Variants in POLQ observed in about 807,000 individuals in gnomAD.
POLQ encodes the protein DNA polymerase theta.
In POLQ, 233 loss-of-function variants were observed where a neutral mutation model predicts 259.2. That is an observed-to-expected ratio of 0.90 (90% CI 0.81 to 1.00). POLQ has a LOEUF of 1.00. Ranked by LOEUF, POLQ falls within the 50% of genes least tolerant of loss-of-function variation. The pLI is 0.00. For synonymous variants in POLQ, 1,025 were observed against 1,048.8 expected, an observed-to-expected ratio of 0.98 and a Z score of 0.44; for missense variants, 2,871 against 3,051.6, an observed-to-expected ratio of 0.94 and a Z score of 1.39.
intron 6 of POLQ, among the ~76,000 whole-genome samples, chr3:121,531,820 G>A (rs2048413514): frequency 6.6e-6 from 1 of 152,204 alleles, no homozygotes; most frequent in Admixed American, 6.5e-5. Flanking sequence ...CCAAGGCATA[G>A]CCAGGCGAAA....
chr3:121,475,004 AT>A (rs972534326), intron 20 of POLQ, among the ~76,000 whole-genome samples: 7 of 152,278 alleles, frequency 4.6e-5, no homozygotes, highest in African/African-American at 1.7e-4. Flanking sequence ...TAGACTTATC[AT>A]TTTTTATGGT....
intron 7 of POLQ, among the ~76,000 whole-genome samples, chr3:121,522,472 C>G (rs1051130468): frequency 6.7e-6 from 1 of 149,690 alleles, no homozygotes; most frequent in African/African-American, 2.5e-5. Context: ...CCACCGCGCC[C>G]GGCTAATTTT....
intron 26 of POLQ, among the ~76,000 whole-genome samples, chr3:121,442,587 T>A (rs944312824): frequency 2.2e-4 from 33 of 152,190 alleles, no homozygotes; most frequent in African/African-American, 8.0e-4. Flanking sequence ...CATAATGACC[T>A]CCAGTTCCAT....
chr3:121,471,173 T>C (rs2047880959), intron 22 of POLQ, among the ~76,000 whole-genome samples: 1 of 152,144 alleles, frequency 6.6e-6, no homozygotes, highest in Admixed American at 6.5e-5. Context: ...GAATACATTT[T>C]TCTTCATAAG....
chr3:121,452,548 T>C (rs1296890449), intron 25 of POLQ, among the ~76,000 whole-genome samples: 5 of 150,962 alleles, frequency 3.3e-5, no homozygotes, highest in Non-Finnish European at 5.9e-5. Context: ...TCAGCAAGGC[T>C]CAGGGATTAG....
chr3:121,455,524 G>C (rs1264174800), intron 25 of POLQ, among the ~76,000 whole-genome samples: 1 of 87,208 alleles, frequency 1.1e-5, no homozygotes, highest in African/African-American at 4.1e-5. Context: ...GAATCAAATA[G>C]ACACAAAAAA....
Position 121,541,276 on chromosome 3 carries a change from T to C in POLQ, c.474+73A>G, listed in dbSNP as rs548567749. 183 of 1,288,016 alleles carry C rather than the reference T, an allele frequency of 1.4e-4. No individual in the cohort carries two copies. In the African/African-American group the frequency reaches 2.4e-3, roughly 17 times the overall value. 79.8% of individuals were successfully genotyped at this position (1,288,016 alleles called of 1,614,324 possible). On this transcript the variant is annotated intron_variant, in intron 3 of 29. Transcript: ENST00000264233. ...TGTTTTCCACTTGCTTTTATAATTC[T>C]ATTTCAAATGAATGAAACCAAGACT...
chr3:121,458,112 A>G (rs1411906318), intron 25 of POLQ, among the ~76,000 whole-genome samples: 1 of 152,116 alleles, frequency 6.6e-6, no homozygotes, highest in Non-Finnish European at 1.5e-5. Context: ...GGAAATCATC[A>G]TTCTCAGTAA....
intron 9 of POLQ, among the ~76,000 whole-genome samples, chr3:121,517,858 A>G (rs2048309161): frequency 6.6e-6 from 1 of 152,246 alleles, no homozygotes; most frequent in Non-Finnish European, 1.5e-5. Context: ...AAGGCCTAGA[A>G]TAGAATTTTA....
At chr3:121,526,195 T>C (rs949456661) in intron 7 of POLQ, among the ~76,000 whole-genome samples, 9 of 152,158 alleles carry the variant, frequency 5.9e-5, no homozygotes, top group Admixed American at 6.5e-5. Flanking sequence ...CATTGTTCAG[T>C]ATCAAAAGAA....
chr3:121,515,431 T>C (rs767754300), intron 9 of POLQ, among the ~76,000 whole-genome samples: 2 of 152,126 alleles, frequency 1.3e-5, no homozygotes, highest in Non-Finnish European at 1.5e-5. Flanking sequence ...AGATCTCAAA[T>C]AGGGGTACCA....
chr3:121,520,994 G>A (rs2048332311), intron 8 of POLQ, among the ~76,000 whole-genome samples: 1 of 152,174 alleles, frequency 6.6e-6, no homozygotes, highest in African/African-American at 2.4e-5. Flanking sequence ...TGGGGTTCTA[G>A]TTTTAAAATT....
Position 121,460,162 on chromosome 3 carries a change from C to T in POLQ, c.7040G>A (p.Arg2347His), listed in dbSNP as rs143352658. The T allele has an allele frequency of 3.9e-5, 63 of 1,613,054 alleles. No individual in the cohort carries two copies. Among genetic ancestry groups the T allele is most frequent in the African/African-American group, 3.1e-4 (23 of 74,984 alleles). ...RILAHLSHDR[R>H]LIQVLNTGAD... ...TCCAGTGTTTAACACTTGAATGAGA[C>T]GACGATCATGGGATAAATGAGCCAA... The change falls in exon 25 of 30, where the codon CGT becomes CAT. Residue 2347 changes from arginine to histidine, a missense_variant. Coordinates refer to ENST00000264233, the MANE Select transcript of POLQ (RefSeq NM_199420.4).
chr3:121,482,357 A>G (rs1329878956), intron 18 of POLQ, among the ~76,000 whole-genome samples: 1 of 152,034 alleles, frequency 6.6e-6, no homozygotes, highest in African/African-American at 2.4e-5. Flanking sequence ...TGTCTCTACT[A>G]AATATACAAA....
At chr3:121,464,350 T>C (rs541235889) in intron 24 of POLQ, among the ~76,000 whole-genome samples, 1 of 152,158 alleles carries the variant, frequency 6.6e-6, no homozygotes, top group African/African-American at 2.4e-5. Flanking sequence ...CTGGGTAACA[T>C]AGTGGGACCC....
intron 13 of POLQ, among the ~76,000 whole-genome samples, chr3:121,497,405 TAG>T (rs2048133774): frequency 6.6e-6 from 1 of 152,182 alleles, no homozygotes; most frequent in African/African-American, 2.4e-5. Flanking sequence ...AATAATATAT[TAG>T]AGACTGTTTT....
At chr3:121,463,108 T>C (rs2047806173) in intron 24 of POLQ, among the ~76,000 whole-genome samples, 1 of 152,238 alleles carries the variant, frequency 6.6e-6, no homozygotes, top group Non-Finnish European at 1.5e-5. Context: ...AAGGTTTGGC[T>C]ATGTCTCCAT....
In POLQ at chr3:121,485,099, T is replaced by C. The variant is rs756037608; in HGVS notation, c.5715A>G (p.Val1905=). Residue 1905 remains valine, a synonymous_variant, in exon 17 of 30, where the codon GTA becomes GTG. Coordinates refer to ENST00000264233, the MANE Select transcript of POLQ (RefSeq NM_199420.4). ...AATAGGCATCCCTTCCACCCCAGCA[T>C]ACTGCCAGTCCAACCACCAAGGTGT... The part of the protein sequence containing the change: ...CDDTLVVGLA[V]CWGGRDAYYF... The C allele has an allele frequency of 3.4e-5, 55 of 1,612,834 alleles. 2 individuals are homozygous for C. The highest frequency in any genetic ancestry group is 1.6e-4 in the Middle Eastern group (1 of 6,080).
At chr3:121,509,490 T>C (rs921700914) in intron 12 of POLQ, 71 bp downstream of exon 12, 1 of 1,317,752 alleles carries the variant, frequency 7.6e-7, no homozygotes, top group African/African-American at 1.5e-5. Flanking sequence ...AGGGTATCTT[T>C]GATGTTCAGG....
Sources: gnomAD v4.1 joint callset for allele counts (sites outside exome capture counted in the v4.1 genomes callset) on GRCh38, gnomAD v4.1.1 for gene constraint, MANE v1.5 for transcripts, NCBI Gene and HGNC (gene_info 2026-07-23, HGNC 2026-07-21) for gene names.